DYNC2LI1: variants seen among roughly 807,000 people sequenced by gnomAD.
DYNC2LI1 encodes the protein dynein cytoplasmic 2 light intermediate chain 1.
Under a neutral mutation model 51.9 loss-of-function variants are expected in DYNC2LI1, and 45 were observed. The ratio of observed to expected loss-of-function variants is 0.87; its 90% CI spans 0.68 to 1.11. The LOEUF (loss-of-function observed/expected upper bound fraction) is 1.11, where lower values mean the gene tolerates loss of function less well. Among genes scored for constraint, DYNC2LI1 ranks in the 50% most tolerant of loss-of-function variants. DYNC2LI1 has a pLI of 0.00. For synonymous variants in DYNC2LI1, 130 were observed against 137.8 expected (o/e 0.94, Z 0.40); for missense variants, 490 against 417.4 (o/e 1.17, Z -1.51).
the DYNC2LI1 span, chr2:43,819,820 A>G: frequency 9.0e-6 from 12 of 1,340,084 alleles, no homozygotes; most frequent in African/African-American, 1.5e-5. Flanking sequence ...CATAACCACT[A>G]TCAGTTCTCT....
chr2:43,822,484 C>CCA, the DYNC2LI1 span: 2 of 916,912 alleles, frequency 2.2e-6, no homozygotes, highest in African/African-American at 1.8e-5. Flanking sequence ...CCAGGCCCCC[C>CCA]CCCATGCACC....
At chr2:43,795,362 G>A (rs1033676621) in intron 6 of DYNC2LI1, among the ~76,000 whole-genome samples, 10 of 152,186 alleles carry the variant, frequency 6.6e-5, no homozygotes, top group Middle Eastern at 6.8e-3. Context: ...AAATTAGCTG[G>A]GTGTGGTGGT....
At chr2:43,804,611 C>T in intron 10 of DYNC2LI1, 31 bp from the exon 11 acceptor site, 2 of 1,324,692 alleles carry the variant, frequency 1.5e-6, no homozygotes, top group South Asian at 1.3e-5. Context: ...TTAATCATTG[C>T]AGTCATTTGT....
chr2:43,811,984 C>G (rs1027128039), downstream of DYNC2LI1, among the ~76,000 whole-genome samples: 16 of 152,282 alleles, frequency 1.1e-4, 1 homozygote, highest in Admixed American at 3.3e-4. Flanking sequence ...GCACCCTTTA[C>G]AGTTCAAGAA....
the DYNC2LI1 span, chr2:43,822,732 A>T: frequency 6.2e-7 from 1 of 1,608,352 alleles, no homozygotes; most frequent in Non-Finnish European, 8.5e-7. Context: ...CTCTCCCTGC[A>T]CGAGTCCCAC....
the DYNC2LI1 span, chr2:43,825,018 G>A: frequency 8.7e-6 from 14 of 1,613,524 alleles, no homozygotes; most frequent in Non-Finnish European, 1.1e-5. Flanking sequence ...TTGTCAAAGA[G>A]CTGACCAGAC....
chr2:43,791,450 A>T (rs986206002), intron 5 of DYNC2LI1, among the ~76,000 whole-genome samples: 2 of 152,090 alleles, frequency 1.3e-5, no homozygotes, highest in East Asian at 3.9e-4. Context: ...CCCAAGGGTT[A>T]ATACCTCATT....
Position 43,783,557 on chromosome 2 carries a change from A to G in DYNC2LI1, c.161+3A>G. 6.6e-7 allele frequency: 1 copy of G among 1,525,326 alleles called. No individual in the cohort carries two copies. The highest frequency in any genetic ancestry group is 8.8e-7 in the Non-Finnish European group (1 of 1,139,004). The allele number at this position is 1,525,326 out of a possible 1,614,324, so 94.5% of individuals were successfully genotyped here. ...ATTATTCTAAGGTGTCTTGACAGGT[A>G]AGTGTTATGTTAACCTTTAAACTAT... On this transcript the variant is annotated splice_donor_region_variant and intron_variant, in intron 3 of 12. Coordinates refer to ENST00000260605, the MANE Select transcript of DYNC2LI1 (RefSeq NM_016008.4).
chr2:43,812,807 G>A (rs1666551160), downstream of DYNC2LI1: 1 of 331,106 alleles, frequency 3.0e-6, no homozygotes, highest in African/African-American at 2.1e-5. Flanking sequence ...TCTGTGCCTA[G>A]AACAAGGAAA....
In DYNC2LI1 at chr2:43,809,863, A is replaced by G; in HGVS notation, c.*96A>G. ...ATTGTGGCAATATGTGAAGAAAGTT[A>G]AACTGTATAATTTGTTAAAGGACAA... is the stretch of plus-strand genomic sequence containing the variant. On this transcript the variant is annotated 3_prime_UTR_variant, in exon 13 of 13. Transcript: ENST00000260605. 6.8e-7 allele frequency: 1 copy of G among 1,480,114 alleles called. No homozygotes were observed. The highest frequency in any genetic ancestry group is 8.9e-7 in the Non-Finnish European group (1 of 1,117,920). The allele number at this position is 1,480,114 out of a possible 1,614,324, so 91.7% of individuals were successfully genotyped here.
At chr2:43,824,708 CTCATTCTGATAG>C in the DYNC2LI1 span, 1 of 934,828 alleles carries the variant, frequency 1.1e-6, no homozygotes, top group Non-Finnish European at 1.3e-6. Context: ...GATCCCTGAC[CTCATTCTGATAG>C]TCATCTCTGG....
intron 5 of DYNC2LI1, chr2:43,792,964 G>T: frequency 3.3e-6 from 2 of 609,786 alleles, no homozygotes; most frequent in Non-Finnish European, 5.0e-6. Context: ...TATGAACATT[G>T]GTGTACATTA....
chr2:43,796,499 G>A (rs1674041871), intron 7 of DYNC2LI1, among the ~76,000 whole-genome samples: 1 of 152,112 alleles, frequency 6.6e-6, no homozygotes, highest in African/African-American at 2.4e-5. Context: ...ATTCTATTGA[G>A]CTAAGTATTT....
At chr2:43,778,604 A>G (rs112371456) in intron 2 of DYNC2LI1, among the ~76,000 whole-genome samples, 6 of 152,340 alleles carry the variant, frequency 3.9e-5, no homozygotes, top group African/African-American at 1.4e-4. Context: ...GTCTTATGGT[A>G]CAAATACATT....
At position 43,796,791 on chromosome 2, in the gene DYNC2LI1, T is replaced by G. The variant is rs1035214222; in HGVS notation, c.650T>G (p.Leu217Ter). The G allele has an allele frequency of 2.5e-6, 4 of 1,613,064 alleles. No homozygotes were observed. In the African/African-American group the frequency reaches 4.0e-5, roughly 16 times the overall value. ...GTTGCACATTATTATGGAGCATCAT[T>G]AATGGTTTGTACATTTCTTGTCCTT... ...RFVAHYYGAS[L>*]MFTSKSEALL... is the part of the protein sequence containing the mutation. The change falls in exon 8 of 13, where the codon TTA (leucine) becomes TGA (stop). Residue 217 changes from leucine to a stop codon, truncating the protein, a stop_gained. Transcript: ENST00000260605. LOFTEE classifies it high-confidence loss of function.
chr2:43,826,948 A>C, the DYNC2LI1 span, among the ~76,000 whole-genome samples: 1 of 152,238 alleles, frequency 6.6e-6, no homozygotes, highest in Non-Finnish European at 1.5e-5. Flanking sequence ...AAAAGAAAAA[A>C]ATCTGACGAA....
intron 2 of DYNC2LI1, among the ~76,000 whole-genome samples, chr2:43,781,366 CA>C (rs533281808): frequency 0.19 from 25,966 of 136,694 alleles, 2,312 homozygotes; most frequent in Middle Eastern, 0.25. Context: ...GACTCTGTCT[CA>C]AAAAAAAAAA....
rs1267835357 is a variant in DYNC2LI1 at position 43,804,648 on chromosome 2, C to G, written c.809C>G (p.Pro270Arg). The change falls in exon 11 of 13, where the codon CCT (proline) becomes CGT (arginine). Residue 270 changes from proline to arginine, a missense_variant. Physicochemically the swap from Pro to Arg is moderately radical, Grantham distance 103 (BLOSUM62 -2). Coordinates refer to ENST00000260605, the MANE Select transcript of DYNC2LI1 (RefSeq NM_016008.4). ...GTAAAACTTGCTATTTTAGGATCTC[C>G]TCCTGTTCCTGAAAATGACATTGGA... ...GLDSFGQIGS[P>R]PVPENDIGKL... The G allele has an allele frequency of 6.3e-6, 10 of 1,599,522 alleles. No individual in the cohort carries two copies. Among genetic ancestry groups the G allele is most frequent in the Non-Finnish European group, 8.5e-6 (10 of 1,174,244 alleles).
downstream of DYNC2LI1, chr2:43,812,934 A>G: frequency 1.6e-6 from 1 of 612,930 alleles, no homozygotes; most frequent in Non-Finnish European, 2.9e-6. Flanking sequence ...GCAAGGGACT[A>G]TAAACCACTT....
Sources: gnomAD v4.1 joint callset for allele counts (sites outside exome capture counted in the v4.1 genomes callset) on GRCh38, gnomAD v4.1.1 for gene constraint, MANE v1.5 for transcripts, NCBI Gene and HGNC (gene_info 2026-07-23, HGNC 2026-07-21) for gene names.